CFAP47: variants seen among roughly 807,000 people sequenced by gnomAD.
CFAP47 encodes cilia and flagella associated protein 47.
In CFAP47, 29 loss-of-function variants were observed where a neutral mutation model predicts 148.1. The observed-to-expected ratio is 0.20, with a 90% CI of 0.15 to 0.27. The LOEUF (loss-of-function observed/expected upper bound fraction) is 0.27. CFAP47 is among the 10% of genes least tolerant of loss of function. The probability of loss-of-function intolerance (pLI) is 1.00; values close to 1 mark genes in which losing one functional copy is unlikely to be tolerated. For synonymous variants in CFAP47, 664 were observed against 577.3 expected (o/e 1.15, Z -2.15); for missense variants, 1,872 against 1,697.5 (o/e 1.10, Z -1.81).
At chrX:36,354,471 ACT>A (rs1158360810) in intron 60 of CFAP47, among the ~76,000 whole-genome samples, 1 of 87,122 alleles carries the variant, frequency 1.1e-5, no homozygotes, top group African/African-American at 5.0e-5. Flanking sequence ...ACAGTGAGAG[ACT>A]CTGTCTCAAA....
At chrX:36,328,897 A>G (rs1378909290) in intron 57 of CFAP47, among the ~76,000 whole-genome samples, 1 of 111,295 alleles carries the variant, frequency 9.0e-6, no homozygotes, top group Non-Finnish European at 1.9e-5. Flanking sequence ...ACCTACCTAA[A>G]TTTGTATTGG....
chrX:36,199,534 G>C lies in CFAP47; in HGVS notation c.6322-845G>C, dbSNP rs189463518. On this transcript the variant is annotated intron_variant, in intron 42 of 63. Coordinates refer to ENST00000378653, the MANE Select transcript of CFAP47 (RefSeq NM_001304548.2). The stretch of plus-strand genomic sequence containing the variant: ...GATGGCTGCAAATGACTTACTTCCA[G>C]GTCGCCTTGGGTAGTGCTCCCTTCA... Among the ~76,000 whole-genome samples the C allele has an allele frequency of 2.0e-4, 22 of 111,938 alleles. No homozygotes were observed. In the East Asian group the frequency reaches 6.2e-3, roughly 32 times the overall value.
intron 21 of CFAP47, among the ~76,000 whole-genome samples, chrX:36,002,677 A>G (rs1350635964): frequency 3.6e-5 from 4 of 111,934 alleles, no homozygotes; most frequent in Non-Finnish European, 7.5e-5. Context: ...CAATCAGAGT[A>G]TAAGATTCTT....
chrX:36,214,398 C>A (rs983812979), intron 45 of CFAP47, among the ~76,000 whole-genome samples: 34 of 110,999 alleles, frequency 3.1e-4, no homozygotes, highest in African/African-American at 9.8e-4. Context: ...ACTGTACATT[C>A]CTGTAGACTT....
intron 36 of CFAP47, among the ~76,000 whole-genome samples, chrX:36,148,499 A>G (rs775338431): frequency 8.9e-6 from 1 of 111,819 alleles, no homozygotes; most frequent in Non-Finnish European, 1.9e-5. Context: ...TATATTTTAC[A>G]TAAACACTTT....
chrX:36,022,689 C>T (rs1237600942), intron 22 of CFAP47, among the ~76,000 whole-genome samples: 1 of 110,518 alleles, frequency 9.0e-6, no homozygotes, highest in African/African-American at 3.3e-5. Flanking sequence ...TCTCCTCTGA[C>T]TGTGTATTTT....
intron 29 of CFAP47, among the ~76,000 whole-genome samples, chrX:36,083,400 G>C (rs971743986): frequency 1.8e-5 from 2 of 110,113 alleles, no homozygotes; most frequent in African/African-American, 6.6e-5. Flanking sequence ...TTGCAGCTTT[G>C]AGCTGCTGGC....
rs60595897 is a variant in CFAP47 at position 36,248,496 on chromosome X, T to TCACACACACACA, written c.7333-2820_7333-2809dup. Among the ~76,000 whole-genome samples the TCACACACACACA allele has an allele frequency of 6.0e-3, 572 of 95,448 alleles. 6 individuals are homozygous for TCACACACACACA. Among genetic ancestry groups the TCACACACACACA allele is most frequent in the African/African-American group, 0.016 (399 of 25,584 alleles). 82.9% of individuals were successfully genotyped at this position (95,448 alleles called of 115,157 possible). ...TATTTTAAAAATATCACATATTATA[T>TCACACACACACA]CACACACACACACACACACACACAC... On this transcript the variant is annotated intron_variant, in intron 48 of 63. Coordinates refer to ENST00000378653, the MANE Select transcript of CFAP47 (RefSeq NM_001304548.2).
At chrX:36,309,157 A>C (rs1456088515) in intron 55 of CFAP47, among the ~76,000 whole-genome samples, 9 of 110,652 alleles carry the variant, frequency 8.1e-5, no homozygotes, top group African/African-American at 2.9e-4. Flanking sequence ...CTTCCTTTTT[A>C]TTTTCAGATA....
At chrX:36,096,155 G>C (rs1167726778) in intron 30 of CFAP47, among the ~76,000 whole-genome samples, 1 of 54,441 alleles carries the variant, frequency 1.8e-5, no homozygotes, top group Non-Finnish European at 3.3e-5. Flanking sequence ...TATTTGTATA[G>C]TTTCCAAATA....
At chrX:36,019,336 GGCCTAAA>G (rs764697852) in intron 22 of CFAP47, among the ~76,000 whole-genome samples, 18 of 111,730 alleles carry the variant, frequency 1.6e-4, no homozygotes, top group Non-Finnish European at 2.8e-4. Flanking sequence ...CAGGTTCCTC[GGCCTAAA>G]GCAAACACGA....
At chrX:36,067,249 A>C (rs888413919) in intron 27 of CFAP47, among the ~76,000 whole-genome samples, 1 of 111,659 alleles carries the variant, frequency 9.0e-6, no homozygotes, top group Non-Finnish European at 1.9e-5. Context: ...TCAGAGATTC[A>C]GGAATTCAGA....
chrX:36,193,496 T>A lies in CFAP47; in HGVS notation c.6321+3300T>A, dbSNP rs782252288. On this transcript the variant is annotated intron_variant, in intron 42 of 63. Coordinates refer to ENST00000378653, the MANE Select transcript of CFAP47 (RefSeq NM_001304548.2). Reference sequence around the variant, plus strand: ...GATTTTTTTATTCAATTTTCACAACTTTTTTCTTTTTTTGGGGAATGAGGA... The same window carrying A: ...GATTTTTTTATTCAATTTTCACAACATTTTTCTTTTTTTGGGGAATGAGGA... Among the ~76,000 whole-genome samples, 56 of 111,337 alleles carry A rather than the reference T, an allele frequency of 5.0e-4. No individual in the cohort carries two copies. The South Asian group carries it at 0.018, about 36-fold the overall frequency.
In CFAP47 at chrX:35,931,360, AT is replaced by A. The variant is rs746306307; in HGVS notation, c.401+5195del. 2.0e-4 allele frequency among the ~76,000 whole-genome samples: 22 copies of A among 110,924 alleles called. No homozygotes were observed. In the Admixed American group the frequency reaches 2.0e-3, roughly 10 times the overall value. On this transcript the variant is annotated intron_variant, in intron 2 of 63. Coordinates refer to ENST00000378653, the MANE Select transcript of CFAP47 (RefSeq NM_001304548.2). The stretch of plus-strand genomic sequence containing the variant: ...TTTTGCACTTTTTTTTCTAAGTAAA[AT>A]TTGAATACTATGTTTTTTCCTATTC...
chrX:36,090,067 G>A lies in CFAP47; in HGVS notation c.4916+4529G>A, dbSNP rs143589946. Among the ~76,000 whole-genome samples, 12 of 111,718 alleles carry A rather than the reference G, an allele frequency of 1.1e-4. No homozygotes were observed. In the East Asian group the frequency reaches 3.4e-3, roughly 31 times the overall value. ...AAAATCCATTGTATGAGTAATAAAT[G>A]TCTTGTTGACATAAAAATGTCAGAA... On this transcript the variant is annotated intron_variant, in intron 30 of 63. Transcript: ENST00000378653.
rs979552934 is a variant in CFAP47 at position 36,235,668 on chromosome X, C to G, written c.7015-266C>G. 8.0e-5 allele frequency among the ~76,000 whole-genome samples: 9 copies of G among 112,206 alleles called. No homozygotes were observed. The East Asian group carries it at 2.6e-3, about 32-fold the overall frequency. On this transcript the variant is annotated intron_variant, in intron 46 of 63. Transcript: ENST00000378653. ...CTGGCACTCCCTAGTGAGATGAACC[C>G]GGTACCTCAGATGGAAATGCAGAAA...
At chrX:36,382,710 A>T (rs1942088963) in intron 63 of CFAP47, among the ~76,000 whole-genome samples, 1 of 111,506 alleles carries the variant, frequency 9.0e-6, no homozygotes, top group Non-Finnish European at 1.9e-5. Flanking sequence ...TCTTTTCAGA[A>T]CACAGAGAGA....
intron 8 of CFAP47, among the ~76,000 whole-genome samples, chrX:35,958,670 T>C (rs1936280119): frequency 8.9e-6 from 1 of 112,073 alleles, no homozygotes; most frequent in Non-Finnish European, 1.9e-5. Flanking sequence ...TGTCCATTTG[T>C]ATATTTTCTT....
intron 42 of CFAP47, among the ~76,000 whole-genome samples, chrX:36,196,851 C>G (rs1555987311): frequency 1.8e-5 from 2 of 111,738 alleles, no homozygotes; most frequent in Admixed American, 9.6e-5. Flanking sequence ...CTCATGATGA[C>G]AAGCGTCTGC....
Sources: gnomAD v4.1 joint callset for allele counts (sites outside exome capture counted in the v4.1 genomes callset) on GRCh38, gnomAD v4.1.1 for gene constraint, MANE v1.5 for transcripts, NCBI Gene and HGNC (gene_info 2026-07-23, HGNC 2026-07-21) for gene names.